The following FHIT variants were observed in gnomAD, a reference collection of about 807,000 sequenced individuals.
FHIT encodes the protein fragile histidine triad diadenosine triphosphatase.
FHIT carries 19 observed loss-of-function variants against 17.9 expected under a neutral mutation model. That is an observed-to-expected ratio of 1.06 (90% CI 0.74 to 1.56). FHIT has a LOEUF of 1.56. FHIT is among the 40% of genes most tolerant of loss of function. The probability of loss-of-function intolerance (pLI) is 0.00; values close to 1 mark genes in which losing one functional copy is unlikely to be tolerated. For missense variants in FHIT, 248 were observed against 189.2 expected, an observed-to-expected ratio of 1.31 and a Z score of -1.82; for synonymous variants, 81 against 69.7, an observed-to-expected ratio of 1.16 and a Z score of -0.81.
intron 5 of FHIT, among the ~76,000 whole-genome samples, chr3:60,484,429 G>C (rs577115837): frequency 5.9e-5 from 9 of 152,086 alleles, no homozygotes; most frequent in Non-Finnish European, 1.2e-4. Flanking sequence ...ATACTACAAG[G>C]CTACAGTAAC....
chr3:60,825,267 G>A lies in FHIT; in HGVS notation c.-110-3256C>T, dbSNP rs543019727. Among the ~76,000 whole-genome samples, 10 of 151,894 alleles carry A rather than the reference G, an allele frequency of 6.6e-5. 1 individual carries two copies. The South Asian group carries it at 2.1e-3, about 32-fold the overall frequency. On this transcript the variant is annotated intron_variant, in intron 3 of 9. Transcript: ENST00000492590. ...ATATTAAATCAGTATAACAAAACTT[G>A]GAAATGACCTAAAAGTCACCCTTAA... is the stretch of plus-strand genomic sequence containing the variant.
intron 5 of FHIT, among the ~76,000 whole-genome samples, chr3:60,215,283 A>G (rs779175445): frequency 1.3e-5 from 2 of 152,148 alleles, no homozygotes; most frequent in African/African-American, 2.4e-5. Flanking sequence ...TGAGGTCAGG[A>G]CTTCGAGACC....
intron 5 of FHIT, among the ~76,000 whole-genome samples, chr3:60,389,211 T>TA (rs2107145258): frequency 6.6e-6 from 1 of 152,314 alleles, no homozygotes; most frequent in East Asian, 1.9e-4. Context: ...CCAGACTTGT[T>TA]ATGTTAGAAA....
chr3:60,711,096 A>G (rs540752427), intron 4 of FHIT, among the ~76,000 whole-genome samples: 1 of 152,284 alleles, frequency 6.6e-6, no homozygotes, highest in East Asian at 1.9e-4. Context: ...GAACTATCAG[A>G]CAGCAGCATT....
At chr3:60,266,415 A>C (rs1284102781) in intron 5 of FHIT, among the ~76,000 whole-genome samples, 1 of 152,124 alleles carries the variant, frequency 6.6e-6, no homozygotes, top group Non-Finnish European at 1.5e-5. Flanking sequence ...AGAAACAGAA[A>C]TGACTGCTAA....
intron 3 of FHIT, among the ~76,000 whole-genome samples, chr3:60,907,445 A>C (rs1289103636): frequency 2.6e-5 from 4 of 152,252 alleles, no homozygotes; most frequent in African/African-American, 9.6e-5. Context: ...GAAATGTGTA[A>C]TCCTTGATTG....
At chr3:59,999,154 T>C (rs995930920) in intron 7 of FHIT, among the ~76,000 whole-genome samples, 4 of 152,148 alleles carry the variant, frequency 2.6e-5, no homozygotes, top group African/African-American at 9.7e-5. Context: ...TCATTTTTAA[T>C]GTACTCACTT....
At chr3:61,172,080 A>G (rs897129721) in intron 2 of FHIT, among the ~76,000 whole-genome samples, 1 of 152,184 alleles carries the variant, frequency 6.6e-6, no homozygotes, top group African/African-American at 2.4e-5. Context: ...TTGTGAGCAA[A>G]ATCAAAGTCA....
chr3:60,164,177 G>T (rs1394792041), intron 5 of FHIT, among the ~76,000 whole-genome samples: 1 of 152,144 alleles, frequency 6.6e-6, no homozygotes, highest in Non-Finnish European at 1.5e-5. Context: ...CAGAGTTCAG[G>T]TCAGGGGAAA....
At chr3:60,067,523 A>G (rs1303485968) in intron 5 of FHIT, among the ~76,000 whole-genome samples, 1 of 152,070 alleles carries the variant, frequency 6.6e-6, no homozygotes, top group Non-Finnish European at 1.5e-5. Flanking sequence ...CATGATGTAC[A>G]ATGCAAAGGG....
rs1425318799 is a variant in FHIT, at chr3:60,638,947, A to G, written c.-17-101968T>C. On this transcript the variant is annotated intron_variant, in intron 4 of 9. Transcript: ENST00000492590. ...AAGTTATGCTTCTGGCTATGAATGA[A>G]TAACTTCATACATCAGACTAATCCT... Among the ~76,000 whole-genome samples the G allele has an allele frequency of 2.0e-5, 3 of 150,990 alleles. No individual in the cohort carries two copies. The Admixed American group carries it at 2.0e-4, about 10-fold the overall frequency.
intron 3 of FHIT, among the ~76,000 whole-genome samples, chr3:60,876,923 C>T (rs1704688418): frequency 6.6e-6 from 1 of 152,170 alleles, no homozygotes; most frequent in African/African-American, 2.4e-5. Flanking sequence ...CACAACTCCA[C>T]CACCCTATCC....
intron 5 of FHIT, among the ~76,000 whole-genome samples, chr3:60,377,694 G>C (rs1459925852): frequency 4.7e-5 from 7 of 149,220 alleles, no homozygotes; most frequent in Non-Finnish European, 3.0e-5. Flanking sequence ...TGTTAGCCAG[G>C]ATGGTCTCGA....
At chr3:60,823,297 C>G (rs1701994028) in intron 3 of FHIT, among the ~76,000 whole-genome samples, 1 of 152,042 alleles carries the variant, frequency 6.6e-6, no homozygotes, top group Non-Finnish European at 1.5e-5. Context: ...GAATTCTGTT[C>G]CCCCAACCCC....
chr3:59,927,561 T>C (rs1575710033), intron 7 of FHIT, among the ~76,000 whole-genome samples: 1 of 150,372 alleles, frequency 6.7e-6, no homozygotes, highest in East Asian at 2.0e-4. Context: ...AGGTCAGGAG[T>C]TCGAGACCAG....
chr3:59,835,888 AG>A (rs1395061272), intron 8 of FHIT, among the ~76,000 whole-genome samples: 1 of 152,176 alleles, frequency 6.6e-6, no homozygotes, highest in Admixed American at 6.5e-5. Flanking sequence ...CTAAAGAAAT[AG>A]GGAGGAGAAA....
intron 4 of FHIT, among the ~76,000 whole-genome samples, chr3:60,561,140 C>A (rs537484393): frequency 2.6e-4 from 39 of 151,776 alleles, no homozygotes; most frequent in African/African-American, 7.2e-4. Context: ...CTGTTGTACA[C>A]CAAACCAAAC....
chr3:60,247,483 A>G (rs1331524038), intron 5 of FHIT, among the ~76,000 whole-genome samples: 1 of 152,200 alleles, frequency 6.6e-6, no homozygotes, highest in African/African-American at 2.4e-5. Flanking sequence ...AACCACTTAT[A>G]CATAGATACA....
intron 3 of FHIT, among the ~76,000 whole-genome samples, chr3:60,988,946 T>TTAAAAA (rs1559890541): frequency 2.9e-5 from 1 of 34,324 alleles, no homozygotes; most frequent in Non-Finnish European, 4.9e-5. Flanking sequence ...ATGGCTTTGT[T>TTAAAAA]AAAAAAAAAA....
Sources: allele counts gnomAD v4.1 joint callset (sites outside exome capture counted in the v4.1 genomes callset), GRCh38; gene constraint gnomAD v4.1.1; transcripts MANE v1.5; gene names NCBI Gene and HGNC (gene_info 2026-07-23, HGNC 2026-07-21).